The following FBXL14 variants were observed in gnomAD, a reference collection of about 807,000 sequenced individuals.
FBXL14 encodes the protein F-box/LRR-repeat protein 14.
FBXL14 carries 11 observed loss-of-function variants against 24.5 expected under a neutral mutation model. The observed-to-expected ratio is 0.45, with a 90% CI of 0.28 to 0.74. The LOEUF (loss-of-function observed/expected upper bound fraction) is 0.74. FBXL14 is among the 30% of genes least tolerant of loss of function. The pLI is 0.12. For missense variants in FBXL14, 384 were observed against 545.6 expected, an observed-to-expected ratio of 0.70 and a Z score of 2.95; for synonymous variants, 294 against 240.4, an observed-to-expected ratio of 1.22 and a Z score of -2.06.
At position 1,585,680 on chromosome 12, in the gene FBXL14, G is replaced by C. The variant is rs556570955; in HGVS notation, c.1194+7193C>G. On this transcript the variant is annotated intron_variant, in intron 1 of 1. Coordinates refer to ENST00000339235, the MANE Select transcript of FBXL14 (RefSeq NM_152441.3). The stretch of plus-strand genomic sequence containing the variant: ...CTGTGTGGTAGGTCTGATCCTTCTG[G>C]AGTGTGGATTACGTAAATGGGGGAG... Among the ~76,000 whole-genome samples the C allele has an allele frequency of 2.5e-3, 387 of 152,280 alleles. 1 individual carries two copies. Among genetic ancestry groups the C allele is most frequent in the African/African-American group, 8.8e-3 (365 of 41,544 alleles).
At chr12:1,572,098 A>C (rs562855194) in intron 1 of FBXL14, among the ~76,000 whole-genome samples, 1 of 152,362 alleles carries the variant, frequency 6.6e-6, no homozygotes, top group South Asian at 2.1e-4. Flanking sequence ...AGTCACGTTT[A>C]CGTGGGGGAG....
At chr12:1,573,533 G>T (rs2094449111) in intron 1 of FBXL14, among the ~76,000 whole-genome samples, 1 of 152,192 alleles carries the variant, frequency 6.6e-6, no homozygotes, top group Non-Finnish European at 1.5e-5. Context: ...ATGTAACATT[G>T]CGGGGCCAGA....
intron 1 of FBXL14, among the ~76,000 whole-genome samples, chr12:1,588,958 A>ACTGC (rs2094482549): frequency 6.6e-6 from 1 of 151,752 alleles, no homozygotes; most frequent in East Asian, 1.9e-4. Flanking sequence ...CCTTTGAAGT[A>ACTGC]CTGCCCTATG....
intron 1 of FBXL14, among the ~76,000 whole-genome samples, chr12:1,576,981 T>G (rs191637141): frequency 2.6e-5 from 4 of 152,226 alleles, no homozygotes; most frequent in African/African-American, 9.6e-5. Context: ...CAGGAATATT[T>G]GTTAGCATTT....
At position 1,571,047 on chromosome 12, in the gene FBXL14, G is replaced by A. The variant is rs543820275; in HGVS notation, c.1195-4237C>T. ...TGGCATGTGTTTATCACTAATAATC[G>A]GTCATTGCTATGACTGCCTGATTGC... On this transcript the variant is annotated intron_variant, in intron 1 of 1. Coordinates refer to ENST00000339235, the MANE Select transcript of FBXL14 (RefSeq NM_152441.3). 9.2e-5 allele frequency among the ~76,000 whole-genome samples: 14 copies of A among 152,218 alleles called. No homozygotes were observed. In the South Asian group the frequency reaches 1.5e-3, roughly 16 times the overall value.
At chr12:1,577,011 T>C (rs1403967331) in intron 1 of FBXL14, among the ~76,000 whole-genome samples, 1 of 152,190 alleles carries the variant, frequency 6.6e-6, no homozygotes, top group African/African-American at 2.4e-5. Flanking sequence ...CTTAAAGTCG[T>C]CTTAGCTGTG....
In FBXL14 at chr12:1,593,501, T is replaced by C; in HGVS notation, c.566A>G (p.His189Arg). The C allele has an allele frequency of 6.2e-7, 1 of 1,613,626 alleles. No homozygotes were observed. The highest frequency in any genetic ancestry group is 8.5e-7 in the Non-Finnish European group (1 of 1,179,912). ...CGCGCTGCGCGTCATGCCGGCCAGG[T>C]GCCCGATGCCCACATCCGAAAGGTG... is the stretch of plus-strand genomic sequence containing the variant. ...CRHLSDVGIG[H>R]LAGMTRSAAE... Residue 189 changes from histidine (H) to arginine (R), a missense_variant, in exon 1 of 2, where the codon CAC (histidine) becomes CGC (arginine). Physicochemically the swap from His to Arg is conservative, Grantham distance 29 (BLOSUM62 0). Coordinates refer to ENST00000339235, the MANE Select transcript of FBXL14 (RefSeq NM_152441.3). This position sits in a 1 kb window ranked among gnomAD's most constrained non-coding sequence, Gnocchi z 7.4.
chr12:1,567,190 C>A lies in FBXL14; in HGVS notation c.1195-380G>T, dbSNP rs1180530548. Among the ~76,000 whole-genome samples, 1 of 152,076 alleles carries A rather than the reference C, an allele frequency of 6.6e-6. No homozygotes were observed. Among genetic ancestry groups the A allele is most frequent in the Non-Finnish European group, 1.5e-5 (1 of 68,016 alleles). The stretch of plus-strand genomic sequence containing the variant: ...ACTAAAGGGCAAATAGGGCCTGGCA[C>A]GGTGGCTGACGCCTGTAATCCCAGC... On this transcript the variant is annotated intron_variant, in intron 1 of 1. Coordinates refer to ENST00000339235, the MANE Select transcript of FBXL14 (RefSeq NM_152441.3). The surrounding 1 kb of genome is among the most constrained non-coding windows in gnomAD (Gnocchi z 4.8).
At position 1,566,204 on chromosome 12, in the gene FBXL14, A is replaced by G. The variant is rs779899404; in HGVS notation, c.*544T>C. 6.6e-6 allele frequency: 1 copy of G among 152,622 alleles called. No individual in the cohort carries two copies. Among genetic ancestry groups the G allele is most frequent in the African/African-American group, 2.4e-5 (1 of 41,448 alleles). 9.5% of individuals were successfully genotyped at this position (152,622 alleles called of 1,614,324 possible). A position where few individuals can be genotyped will look rare whatever the true frequency, so the allele number is the denominator to read the frequency against. On this transcript the variant is annotated 3_prime_UTR_variant, in exon 2 of 2. Coordinates refer to ENST00000339235, the MANE Select transcript of FBXL14 (RefSeq NM_152441.3). ...GAATGAAATACGTAGACATTCCTCT[A>G]TCTCATGGGGAAACTGCTAGGCAGG...
intron 1 of FBXL14, among the ~76,000 whole-genome samples, chr12:1,572,309 C>T (rs556197748): frequency 3.3e-5 from 5 of 152,320 alleles, no homozygotes; most frequent in South Asian, 2.1e-4. Context: ...TTGACAGATG[C>T]ATAACCCCAT....
intron 1 of FBXL14, among the ~76,000 whole-genome samples, chr12:1,570,779 C>T (rs767350477): frequency 2.1e-4 from 32 of 152,140 alleles, no homozygotes; most frequent in Admixed American, 6.5e-4. Context: ...TCTTTGATGA[C>T]GTGACCATCG....
intron 1 of FBXL14, among the ~76,000 whole-genome samples, chr12:1,577,481 G>C (rs776203341): frequency 6.6e-6 from 1 of 152,172 alleles, no homozygotes; most frequent in Non-Finnish European, 1.5e-5. Flanking sequence ...GAATAGGCAG[G>C]CATATTTTAG....
chr12:1,587,331 T>C (rs1358081584), intron 1 of FBXL14: 1 of 152,160 alleles, frequency 6.6e-6, no homozygotes, highest in Admixed American at 6.5e-5. Context: ...ATGTGCACTT[T>C]TCTGGGTTAA....
At chr12:1,584,320 C>T (rs1331785332) in intron 1 of FBXL14, among the ~76,000 whole-genome samples, 1 of 152,266 alleles carries the variant, frequency 6.6e-6, no homozygotes, top group Non-Finnish European at 1.5e-5. Context: ...CGCTGCACTT[C>T]AGCCTGGGTG....
Position 1,569,674 on chromosome 12 carries a change from A to C in FBXL14, c.1195-2864T>G, listed in dbSNP as rs916446950. On this transcript the variant is annotated intron_variant, in intron 1 of 1. Transcript: ENST00000339235. This position sits in a 1 kb window ranked among gnomAD's most constrained non-coding sequence, Gnocchi z 4.2. The stretch of plus-strand genomic sequence containing the variant: ...CTCGGCCTCCCAGAGTGCTGGGATT[A>C]CAGGCGTGAGCCACCGCTCCCGGCA... Among the ~76,000 whole-genome samples, 1 of 152,252 alleles carries C rather than the reference A, an allele frequency of 6.6e-6. No individual in the cohort carries two copies. Among genetic ancestry groups the C allele is most frequent in the Non-Finnish European group, 1.5e-5 (1 of 68,046 alleles).
chr12:1,584,347 A>G (rs929838086), intron 1 of FBXL14, among the ~76,000 whole-genome samples: 2 of 152,076 alleles, frequency 1.3e-5, no homozygotes, highest in African/African-American at 2.4e-5. Context: ...CGAGACCCCA[A>G]CTCTAAAAAT....
At chr12:1,581,248 A>G (rs535628540) in intron 1 of FBXL14, among the ~76,000 whole-genome samples, 2 of 152,100 alleles carry the variant, frequency 1.3e-5, no homozygotes, top group East Asian at 3.9e-4. Flanking sequence ...CTAAAAGAGT[A>G]CAGAGGAAGG....
intron 1 of FBXL14, among the ~76,000 whole-genome samples, chr12:1,592,387 G>A (rs1184211867): frequency 6.6e-6 from 1 of 152,006 alleles, no homozygotes; most frequent in East Asian, 1.9e-4. Flanking sequence ...TTACAAAGTG[G>A]AAGGGTGAAA....
rs2094495142 is a variant in FBXL14, at chr12:1,593,499, G to A, written c.568C>T (p.Leu190=). 3 of 1,613,694 alleles carry A rather than the reference G, an allele frequency of 1.9e-6. No homozygotes were observed. Among genetic ancestry groups the A allele is most frequent in the Middle Eastern group, 1.7e-4 (1 of 6,060 alleles). ...GCCGCGCTGCGCGTCATGCCGGCCA[G>A]GTGCCCGATGCCCACATCCGAAAGG... The part of the protein sequence containing the change: ...RHLSDVGIGH[L]AGMTRSAAEG... Residue 190 remains leucine, a synonymous_variant, in exon 1 of 2, where the codon CTG becomes TTG. Coordinates refer to ENST00000339235, the MANE Select transcript of FBXL14 (RefSeq NM_152441.3). This position sits in a 1 kb window ranked among gnomAD's most constrained non-coding sequence, Gnocchi z 7.4.
Sources: gnomAD v4.1 joint callset for allele counts (sites outside exome capture counted in the v4.1 genomes callset) on GRCh38, gnomAD v4.1.1 for gene constraint, Gnocchi (gnomAD v3.1) non-coding constraint, MANE v1.5 for transcripts, NCBI Gene and HGNC (gene_info 2026-07-23, HGNC 2026-07-21) for gene names.